CHM: variants seen among roughly 807,000 people sequenced by gnomAD.
CHM encodes CHM Rab escort protein.
Under a neutral mutation model 49.0 loss-of-function variants are expected in CHM, and 10 were observed. The ratio of observed to expected loss-of-function variants is 0.20; its 90% confidence interval spans 0.13 to 0.35. The LOEUF is 0.35. Ranked by LOEUF, CHM falls within the 10% of genes least tolerant of loss-of-function variation. CHM has a pLI of 1.00. For synonymous variants in CHM, 184 were observed against 167.5 expected (o/e 1.10, Z -0.76); for missense variants, 455 against 478.4 (o/e 0.95, Z 0.46).
chrX:85,982,169 G>T (rs868491587), intron 2 of CHM, among the ~76,000 whole-genome samples: 1 of 111,588 alleles, frequency 9.0e-6, no homozygotes, highest in African/African-American at 3.3e-5. Context: ...AACCTTGATA[G>T]ATCTCAAAGA....
chrX:85,870,651 A>C (rs1388074200), intron 14 of CHM, among the ~76,000 whole-genome samples: 3 of 112,285 alleles, frequency 2.7e-5, no homozygotes, highest in Non-Finnish European at 5.6e-5. Context: ...ACTGTCCATC[A>C]GTACGTTTGG....
At chrX:86,034,059 T>A (rs185730286) in intron 1 of CHM, among the ~76,000 whole-genome samples, 3 of 111,706 alleles carry the variant, frequency 2.7e-5, no homozygotes, top group African/African-American at 9.7e-5. Context: ...GAATTAAGAA[T>A]CAGAAGGACT....
rs1555968810 is a variant in CHM at position 86,027,275 on chromosome X, C to CAAGG, written c.116+215_116+216insCCTT. 1.0e-4 allele frequency: 41 copies of CAAGG among 401,194 alleles called. No homozygotes were observed. In the Admixed American group the frequency reaches 1.2e-3, roughly 11 times the overall value. 33.1% of individuals were successfully genotyped at this position (401,194 alleles called of 1,213,427 possible). A position where few individuals can be genotyped will look rare whatever the true frequency, so the allele number is the denominator to read the frequency against. The stretch of plus-strand genomic sequence containing the variant: ...TAAAATGATGCATTTGGTTTATTCT[C>CAAGG]AAAGATCACTATTTCACAAAATAGT... On this transcript the variant is annotated intron_variant, in intron 2 of 14. Transcript: ENST00000357749.
intron 8 of CHM, among the ~76,000 whole-genome samples, chrX:85,933,437 CAGAG>C (rs1384224239): frequency 9.0e-6 from 1 of 111,193 alleles, no homozygotes; most frequent in Non-Finnish European, 1.9e-5. Flanking sequence ...AATTGTAAAA[CAGAG>C]AGGTTAAACA....
chrX:85,897,306 CGTGT>C (rs533191230), intron 11 of CHM, among the ~76,000 whole-genome samples: 2,552 of 76,437 alleles, frequency 0.033, 64 homozygotes, highest in African/African-American at 0.078. Flanking sequence ...CTTGTGTGTG[CGTGT>C]GTGTGTGTGT....
chrX:85,950,455 T>C (rs1929685115), intron 8 of CHM, among the ~76,000 whole-genome samples: 1 of 109,730 alleles, frequency 9.1e-6, no homozygotes, highest in South Asian at 3.9e-4. Flanking sequence ...GGGTTACAGG[T>C]GAAGAGAATC....
At chrX:85,925,809 T>C (rs1928045568) in intron 8 of CHM, among the ~76,000 whole-genome samples, 1 of 111,703 alleles carries the variant, frequency 9.0e-6, no homozygotes, top group African/African-American at 3.3e-5. Flanking sequence ...ATGGCTATGT[T>C]CAGGATTATG....
intron 8 of CHM, among the ~76,000 whole-genome samples, chrX:85,950,547 T>C (rs1325378337): frequency 9.1e-6 from 1 of 110,010 alleles, no homozygotes; most frequent in Non-Finnish European, 1.9e-5. Context: ...AAAAAGATAT[T>C]GAGAGATACA....
At chrX:85,881,021 T>C in intron 12 of CHM, among the ~76,000 whole-genome samples, 1 of 112,256 alleles carries the variant, frequency 8.9e-6, no homozygotes, top group Middle Eastern at 4.6e-3. Flanking sequence ...TAATATATCT[T>C]GTAAGTCCTT....
At chrX:85,883,191 C>G (rs767971580) in intron 12 of CHM, among the ~76,000 whole-genome samples, 1 of 111,549 alleles carries the variant, frequency 9.0e-6, no homozygotes, top group Admixed American at 9.6e-5. Flanking sequence ...TCTATACAAG[C>G]AGGCAAAATT....
intron 2 of CHM, among the ~76,000 whole-genome samples, chrX:86,002,487 C>T (rs1932761813): frequency 8.9e-6 from 1 of 112,078 alleles, no homozygotes; most frequent in African/African-American, 3.2e-5. Flanking sequence ...GTGTGATCAA[C>T]GCAGAAGACA....
chrX:85,949,978 AATATATATATATAT>A lies in CHM; in HGVS notation c.1166+6161_1166+6174del, dbSNP rs200318878. On this transcript the variant is annotated intron_variant, in intron 8 of 14. Coordinates refer to ENST00000357749, the MANE Select transcript of CHM (RefSeq NM_000390.4). The stretch of plus-strand genomic sequence containing the variant: ...CTTTGAGCAATAAACACTGAAATTA[AATATATATATATAT>A]ATATATATATATATATATCTTGTAA... 1.6e-3 allele frequency among the ~76,000 whole-genome samples: 68 copies of A among 42,799 alleles called. 2 individuals are homozygous for A. The South Asian group carries it at 0.032, about 20-fold the overall frequency. The allele number at this position is 42,799 out of a possible 115,157, so 37.2% of individuals were successfully genotyped here.
At chrX:85,920,285 A>C (rs1927713738) in intron 8 of CHM, among the ~76,000 whole-genome samples, 1 of 109,485 alleles carries the variant, frequency 9.1e-6, no homozygotes, top group Non-Finnish European at 1.9e-5. Context: ...TTTAGTAGAG[A>C]CGGGGTTTCA....
At chrX:85,887,733 C>G (rs1477495827) in intron 12 of CHM, among the ~76,000 whole-genome samples, 1 of 111,031 alleles carries the variant, frequency 9.0e-6, no homozygotes, top group Admixed American at 9.6e-5. Context: ...TGGTCTCAGA[C>G]GGAGATGAGG....
At chrX:85,964,303 A>G (rs1023879427) in intron 4 of CHM, among the ~76,000 whole-genome samples, 25 of 111,313 alleles carry the variant, frequency 2.2e-4, no homozygotes, top group Non-Finnish European at 1.9e-5. Context: ...TGAAGAACAC[A>G]GTCTTCAGAA....
chrX:85,878,274 G>A (rs775125924), intron 13 of CHM, among the ~76,000 whole-genome samples: 2 of 111,457 alleles, frequency 1.8e-5, no homozygotes, highest in East Asian at 2.8e-4. Flanking sequence ...GAGGTCAGGC[G>A]TTCCAGACTA....
At chrX:85,876,619 G>A (rs1263238603) in intron 13 of CHM, among the ~76,000 whole-genome samples, 1 of 111,210 alleles carries the variant, frequency 9.0e-6, no homozygotes, top group Admixed American at 9.6e-5. Context: ...AACAGTATTT[G>A]TTCTGACATT....
chrX:85,911,135 A>ATATATATATATATATATATG (rs1926913131), intron 9 of CHM, 126 bp downstream of exon 9: 1 of 7,260 alleles, frequency 1.4e-4, no homozygotes, highest in African/African-American at 7.3e-4. Flanking sequence ...ATATGTATAT[A>ATATATATATATATATATATG]TATATATATA....
chrX:85,972,016 T>C (rs2147692921), intron 4 of CHM, among the ~76,000 whole-genome samples: 1 of 104,982 alleles, frequency 9.5e-6, no homozygotes, highest in South Asian at 4.3e-4. Context: ...GACACAAAGG[T>C]TCTCCAAGGC....
Sources: gnomAD v4.1 joint callset for allele counts (sites outside exome capture counted in the v4.1 genomes callset) on GRCh38, gnomAD v4.1.1 for gene constraint, MANE v1.5 for transcripts, NCBI Gene and HGNC (gene_info 2026-07-23, HGNC 2026-07-21) for gene names.